GULP1: variants seen among roughly 807,000 people sequenced by gnomAD.
The protein encoded by GULP1 is PTB domain-containing engulfment adapter protein 1.
In GULP1, 19 loss-of-function variants were observed where a neutral mutation model predicts 40.9. The observed-to-expected ratio is 0.46, with a 90% CI of 0.32 to 0.68. GULP1 has a LOEUF of 0.68. Ranked by LOEUF, GULP1 falls within the 30% of genes least tolerant of loss-of-function variation. The probability of loss-of-function intolerance (pLI) is 0.03; values close to 1 mark genes in which losing one functional copy is unlikely to be tolerated. For missense variants in GULP1, 312 were observed against 362.2 expected (o/e 0.86, Z 1.12); for synonymous variants, 119 against 117.6 (o/e 1.01, Z -0.08).
At chr2:188,453,666 T>C (rs1279710856) in intron 2 of GULP1, among the ~76,000 whole-genome samples, 4 of 152,326 alleles carry the variant, frequency 2.6e-5, no homozygotes, top group Admixed American at 6.5e-5. Context: ...ATGGCCAATA[T>C]GTAGTTCGAA....
At chr2:188,387,415 G>A (rs375940453) in intron 2 of GULP1, among the ~76,000 whole-genome samples, 2 of 152,106 alleles carry the variant, frequency 1.3e-5, no homozygotes, top group African/African-American at 4.8e-5. Context: ...TTAGAGAAGG[G>A]AAGGCACATA....
chr2:188,294,619 T>C (rs1420360891), intron 1 of GULP1, among the ~76,000 whole-genome samples: 2 of 152,116 alleles, frequency 1.3e-5, no homozygotes, highest in Non-Finnish European at 2.9e-5. Context: ...CAAACTAATG[T>C]GGTTTATATT....
At chr2:188,299,335 A>T (rs2035689890) in intron 1 of GULP1, among the ~76,000 whole-genome samples, 1 of 152,190 alleles carries the variant, frequency 6.6e-6, no homozygotes, top group African/African-American at 2.4e-5. Flanking sequence ...AGGAAGTTAA[A>T]CTTTCAAATG....
chr2:188,500,222 G>C (rs1276996527), intron 4 of GULP1, among the ~76,000 whole-genome samples: 2 of 151,876 alleles, frequency 1.3e-5, no homozygotes, highest in Non-Finnish European at 2.9e-5. Flanking sequence ...GGTCTAGAAT[G>C]AGCCTGAAAA....
intron 2 of GULP1, among the ~76,000 whole-genome samples, chr2:188,414,311 TA>T (rs2054301712): frequency 6.6e-6 from 1 of 152,146 alleles, no homozygotes; most frequent in South Asian, 2.1e-4. Context: ...GTTTTTGTTA[TA>T]TGTCTTCTTT....
At chr2:188,309,924 C>G (rs1022413242) in intron 1 of GULP1, among the ~76,000 whole-genome samples, 5 of 152,322 alleles carry the variant, frequency 3.3e-5, no homozygotes, top group Non-Finnish European at 7.4e-5. Context: ...GAAGAGTGGA[C>G]TTATAAGCTT....
chr2:188,318,336 C>T (rs763969156), intron 1 of GULP1, among the ~76,000 whole-genome samples: 1 of 152,018 alleles, frequency 6.6e-6, no homozygotes, highest in South Asian at 2.1e-4. Flanking sequence ...ATTTCTAAGT[C>T]CTTTTAACAT....
intron 2 of GULP1, chr2:188,466,400 C>G (rs1431445983): frequency 1.3e-5 from 2 of 151,834 alleles, no homozygotes; most frequent in Non-Finnish European, 2.9e-5. Context: ...GCCTCAGTCT[C>G]CCGAGTAGCT....
At chr2:188,398,238 A>C (rs2051575261) in intron 2 of GULP1, among the ~76,000 whole-genome samples, 1 of 152,236 alleles carries the variant, frequency 6.6e-6, no homozygotes, top group Admixed American at 6.5e-5. Flanking sequence ...CGTTTCCAAC[A>C]CCTTGATTTC....
intron 8 of GULP1, 86 bp downstream of exon 8, chr2:188,569,441 G>T: frequency 1.3e-6 from 1 of 793,820 alleles, no homozygotes; most frequent in Non-Finnish European, 2.3e-6. Context: ...TAGAAGCCCT[G>T]CCATTAAATT....
intron 2 of GULP1, among the ~76,000 whole-genome samples, chr2:188,404,759 C>A (rs1328302435): frequency 6.6e-6 from 1 of 152,060 alleles, no homozygotes. Flanking sequence ...CCAGGCCAGC[C>A]CCCGAGTCTC....
At chr2:188,407,310 A>T (rs2053254320) in intron 2 of GULP1, among the ~76,000 whole-genome samples, 1 of 152,218 alleles carries the variant, frequency 6.6e-6, no homozygotes, top group Non-Finnish European at 1.5e-5. Flanking sequence ...AAAACAGGAA[A>T]ATATAAAATT....
chr2:188,313,857 T>A (rs4261684), intron 1 of GULP1, among the ~76,000 whole-genome samples: 37,228 of 151,900 alleles, frequency 0.25, 5,082 homozygotes, highest in African/African-American at 0.37. Flanking sequence ...GAGAATTGAG[T>A]ATTTTATTTA....
chr2:188,309,928 T>C (rs943873207), intron 1 of GULP1, among the ~76,000 whole-genome samples: 22 of 152,250 alleles, frequency 1.4e-4, no homozygotes, highest in Admixed American at 1.1e-3. Flanking sequence ...AGTGGACTTA[T>C]AAGCTTAATC....
intron 2 of GULP1, among the ~76,000 whole-genome samples, chr2:188,446,951 A>G (rs1219788144): frequency 6.6e-6 from 1 of 152,152 alleles, no homozygotes; most frequent in Non-Finnish European, 1.5e-5. Context: ...ATGGCCCATG[A>G]CACAGCCCTC....
chr2:188,307,083 G>A (rs4599076), intron 1 of GULP1, among the ~76,000 whole-genome samples: 85,267 of 151,938 alleles, frequency 0.56, 24,445 homozygotes, highest in East Asian at 0.9. Context: ...CAGAATTATT[G>A]AAGGAAAATA....
chr2:188,437,547 A>T (rs1454484422), intron 2 of GULP1, among the ~76,000 whole-genome samples: 6 of 152,078 alleles, frequency 3.9e-5, no homozygotes, highest in Non-Finnish European at 8.8e-5. Flanking sequence ...CAAAGAAAAG[A>T]CATTCAACCC....
chr2:188,512,584 A>G (rs1473012788), intron 4 of GULP1, among the ~76,000 whole-genome samples: 1 of 152,136 alleles, frequency 6.6e-6, no homozygotes, highest in Non-Finnish European at 1.5e-5. Context: ...TACATTATTC[A>G]TAGTGATTCT....
chr2:188,423,331 T>G (rs1412293686), intron 2 of GULP1, among the ~76,000 whole-genome samples: 1 of 152,084 alleles, frequency 6.6e-6, no homozygotes, highest in African/African-American at 2.4e-5. Flanking sequence ...TTTATGGTAC[T>G]AATGGAAAAA....
Sources: gnomAD v4.1 joint callset for allele counts (sites outside exome capture counted in the v4.1 genomes callset) on GRCh38, gnomAD v4.1.1 for gene constraint, MANE v1.5 for transcripts, NCBI Gene and HGNC (gene_info 2026-07-23, HGNC 2026-07-21) for gene names.